The following CYRIB variants were observed in gnomAD, a reference collection of about 807,000 sequenced individuals.
The protein encoded by CYRIB is CYFIP related Rac1 interactor B, also known as CYFIP-related Rac1 interactor B.
Under a neutral mutation model 44.2 loss-of-function variants are expected in CYRIB, and 8 were observed. The observed-to-expected ratio is 0.18, with a 90% CI of 0.11 to 0.33. The LOEUF (loss-of-function observed/expected upper bound fraction) is 0.33. Ranked by LOEUF, CYRIB falls within the 10% of genes least tolerant of loss-of-function variation. The pLI is 1.00. For missense variants in CYRIB, 185 were observed against 382.8 expected (o/e 0.48, Z 4.31); for synonymous variants, 131 against 127.2 (o/e 1.03, Z -0.20).
At chr8:129,840,479 T>G (rs551884458) in exon 12 of CYRIB, 2 of 152,270 alleles carry the variant, frequency 1.3e-5, no homozygotes, top group Non-Finnish European at 2.9e-5. Flanking sequence ...TTTTTCCAAA[T>G]AATGTCACAC....
intron 2 of CYRIB, among the ~76,000 whole-genome samples, chr8:129,959,961 A>C (rs910121696): frequency 6.6e-6 from 1 of 152,230 alleles, no homozygotes; most frequent in African/African-American, 2.4e-5. Context: ...CACAGACAGA[A>C]GTACAGAGCT....
intron 1 of CYRIB, among the ~76,000 whole-genome samples, chr8:129,990,497 C>CGTGTGT (rs34534615): frequency 5.4e-5 from 8 of 147,298 alleles, no homozygotes; most frequent in Admixed American, 2.0e-4. Flanking sequence ...TGTGTGTATG[C>CGTGTGT]GTGTGTGTGT....
At chr8:129,887,686 T>C (rs984395849) in intron 2 of CYRIB, among the ~76,000 whole-genome samples, 1 of 152,210 alleles carries the variant, frequency 6.6e-6, no homozygotes, top group African/African-American at 2.4e-5. Context: ...AGCCCACCCC[T>C]TACATCAGTG....
In CYRIB at chr8:130,015,670, GAC is replaced by G. The variant is rs1157036537; in HGVS notation, c.-296+698_-296+699del. 2.0e-5 allele frequency among the ~76,000 whole-genome samples: 3 copies of G among 152,260 alleles called. No individual in the cohort carries two copies. The East Asian group carries it at 5.8e-4, about 29-fold the overall frequency. On this transcript the variant is annotated intron_variant, in intron 1 of 14. Transcript: ENST00000401979. ...CTGACACAGGACACACGTTTCAAAG[GAC>G]ACACAGGTTTTTCCCAACCCCAGTG...
chr8:129,841,182 G>A (rs115438839), exon 12 of CYRIB: 275 of 152,216 alleles, frequency 1.8e-3, no homozygotes, highest in African/African-American at 6.0e-3. Flanking sequence ...CCCTGGAAAT[G>A]GAGAATCAAG....
intron 1 of CYRIB, among the ~76,000 whole-genome samples, chr8:129,920,891 C>A (rs192460186): frequency 6.6e-6 from 1 of 152,188 alleles, no homozygotes. Context: ...AGATAGATTT[C>A]TTGAACAAGA....
intron 5 of CYRIB, among the ~76,000 whole-genome samples, chr8:129,856,214 T>A (rs1260498742): frequency 6.6e-6 from 1 of 152,206 alleles, no homozygotes; most frequent in Non-Finnish European, 1.5e-5. Flanking sequence ...CATCCTTTAT[T>A]TATAACCACA....
At chr8:129,955,240 A>G (rs2094742195) in intron 2 of CYRIB, among the ~76,000 whole-genome samples, 1 of 135,086 alleles carries the variant, frequency 7.4e-6, no homozygotes, top group East Asian at 2.3e-4. Context: ...GTGACAGAAC[A>G]AAACTCCGTC....
intron 2 of CYRIB, among the ~76,000 whole-genome samples, chr8:129,966,316 AGAGG>A (rs2095478171): frequency 6.6e-6 from 1 of 152,264 alleles, no homozygotes; most frequent in Non-Finnish European, 1.5e-5. Flanking sequence ...TTGCAGGATC[AGAGG>A]GTATGTGCAC....
At chr8:129,994,261 C>A (rs1391640000) in intron 1 of CYRIB, among the ~76,000 whole-genome samples, 1 of 149,750 alleles carries the variant, frequency 6.7e-6, no homozygotes, top group Non-Finnish European at 1.5e-5. Context: ...CCCCAAAACT[C>A]CAGAAGCTGG....
chr8:129,964,167 T>A (rs1214392684), intron 2 of CYRIB, among the ~76,000 whole-genome samples: 3 of 152,214 alleles, frequency 2.0e-5, no homozygotes, highest in African/African-American at 4.8e-5. Flanking sequence ...TCAGTCTTTT[T>A]AAGTGAACAG....
At position 129,852,295 on chromosome 8, in the gene CYRIB, A is replaced by G. The variant is rs1250889930; in HGVS notation, c.517-17T>C. ...TCCTTCTGCCTGTGGGGAAGGTAAA[A>G]GCACTGGATGTTAGTTCACAAATTA... On this transcript the variant is annotated splice_polypyrimidine_tract_variant and intron_variant, in intron 7 of 11. Coordinates refer to ENST00000519824, the Ensembl canonical transcript of CYRIB. The G allele has an allele frequency of 6.9e-7, 1 of 1,456,640 alleles. No homozygotes were observed. The highest frequency in any genetic ancestry group is 2.1e-5 in the Admixed American group (1 of 46,636). The allele number at this position is 1,456,640 out of a possible 1,614,324, so 90.2% of individuals were successfully genotyped here.
intron 1 of CYRIB, among the ~76,000 whole-genome samples, chr8:129,905,161 T>G (rs367117): frequency 0.38 from 57,829 of 151,890 alleles, 13,181 homozygotes; most frequent in East Asian, 0.55. Flanking sequence ...TTTAATTAAT[T>G]TATTTATTTG....
chr8:129,981,758 C>T (rs1317742689), intron 1 of CYRIB, among the ~76,000 whole-genome samples: 1 of 152,204 alleles, frequency 6.6e-6, no homozygotes, highest in Non-Finnish European at 1.5e-5. Flanking sequence ...CAGGACCAAG[C>T]TTCCTGACTG....
At chr8:130,007,405 G>T (rs1459569626) in intron 1 of CYRIB, among the ~76,000 whole-genome samples, 3 of 152,190 alleles carry the variant, frequency 2.0e-5, no homozygotes, top group African/African-American at 7.2e-5. Context: ...CAGCCTCCAG[G>T]TTTTCTCAGT....
chr8:129,919,022 T>A (rs987798980), intron 1 of CYRIB, among the ~76,000 whole-genome samples: 3 of 152,228 alleles, frequency 2.0e-5, no homozygotes, highest in African/African-American at 7.2e-5. Flanking sequence ...AGATAGTTTT[T>A]AAATTATTTT....
intron 1 of CYRIB, among the ~76,000 whole-genome samples, chr8:130,005,427 G>A (rs982199672): frequency 6.6e-6 from 1 of 152,138 alleles, no homozygotes; most frequent in Non-Finnish European, 1.5e-5. Flanking sequence ...CACGTGCCTG[G>A]CCTGGTCCCT....
chr8:129,997,976 C>T (rs1190137731), intron 1 of CYRIB, among the ~76,000 whole-genome samples: 1 of 151,908 alleles, frequency 6.6e-6, no homozygotes, highest in Non-Finnish European at 1.5e-5. Flanking sequence ...CAAAAATTAG[C>T]TGGGCGTGAT....
intron 1 of CYRIB, among the ~76,000 whole-genome samples, chr8:129,994,275 G>GT (rs1232551124): frequency 6.9e-6 from 1 of 144,808 alleles, no homozygotes; most frequent in Non-Finnish European, 1.6e-5. Context: ...AAGCTGGGGG[G>GT]GGTGGCATGG....
Sources: gnomAD v4.1 joint callset for allele counts (sites outside exome capture counted in the v4.1 genomes callset) on GRCh38, gnomAD v4.1.1 for gene constraint, MANE v1.5 for transcripts, NCBI Gene and HGNC (gene_info 2026-07-23, HGNC 2026-07-21) for gene names.